MINDY1: variants seen among roughly 807,000 people sequenced by gnomAD.
The protein encoded by MINDY1 is MINDY lysine 48 deubiquitinase 1, also known as ubiquitin carboxyl-terminal hydrolase MINDY-1.
MINDY1 carries 50 observed loss-of-function variants against 53.6 expected under a neutral mutation model. The ratio of observed to expected loss-of-function variants is 0.93; its 90% confidence interval spans 0.74 to 1.18. The LOEUF (loss-of-function observed/expected upper bound fraction) is 1.18. Among genes scored for constraint, MINDY1 ranks in the 50% most tolerant of loss-of-function variants. The pLI, the probability that MINDY1 is intolerant of heterozygous loss-of-function variation, is 0.00. For missense variants in MINDY1, 484 were observed against 578.6 expected (o/e 0.84, Z 1.68); for synonymous variants, 231 against 234.7 (o/e 0.98, Z 0.14).
At chr1:151,007,198 G>C (rs1253555179), upstream of MINDY1, among the ~76,000 whole-genome samples, 1 of 152,186 alleles carries the variant, frequency 6.6e-6, no homozygotes, top group Non-Finnish European at 1.5e-5. Flanking sequence ...CTGGTAGAGT[G>C]CAGAGGGTGT....
intron 8 of MINDY1, 65 bp from the exon 9 acceptor site, chr1:150,997,844 C>G: frequency 1.3e-6 from 2 of 1,518,966 alleles, no homozygotes; most frequent in Non-Finnish European, 1.8e-6. Context: ...GGCAAGGTTT[C>G]CAAATCAGTT....
In MINDY1 at chr1:150,997,604, G is replaced by A. The variant is rs1370164760; in HGVS notation, c.1329+20C>T. On this transcript the variant is annotated intron_variant, in intron 9 of 9. Coordinates refer to ENST00000683666, the MANE Select transcript of MINDY1 (RefSeq NM_001376665.1). ...CATGAGGTGGAAACCGGGAGTGTGG[G>A]CGCCCAGGCAGCAGCCCACCTGCAG... The A allele has an allele frequency of 6.2e-7, 1 of 1,604,722 alleles. No homozygotes were observed.
rs1671889194 is a variant in MINDY1 at position 150,996,892 on chromosome 1, A to C, written c.*395T>G. The C allele has an allele frequency of 1.5e-5, 3 of 195,258 alleles. No homozygotes were observed. The highest frequency in any genetic ancestry group is 3.2e-5 in the Non-Finnish European group (3 of 94,384). 12.1% of individuals were successfully genotyped at this position (195,258 alleles called of 1,614,324 possible). A position where few individuals can be genotyped will look rare whatever the true frequency, so the allele number is the denominator to read the frequency against. ...GGAAGGCATTACAAATAAGAGATAG[A>C]AACCCAAATTAAGCTCTGAAACAAC... On this transcript the variant is annotated 3_prime_UTR_variant, in exon 10 of 10. Transcript: ENST00000683666.
downstream of MINDY1, chr1:150,996,588 G>T (rs1571702554): frequency 6.7e-6 from 1 of 150,252 alleles, no homozygotes. Context: ...TGTCGCCCAG[G>T]CTGGAGTGCA....
chr1:150,997,238 G>T lies in MINDY1; in HGVS notation c.*49C>A. Reference sequence around the variant, plus strand: ...TGGAGGCGGGGGAGCAAGCCAACTAGCCATAGCCTCTGGAAGAAGGGGCAG... The same window carrying T: ...TGGAGGCGGGGGAGCAAGCCAACTATCCATAGCCTCTGGAAGAAGGGGCAG... On this transcript the variant is annotated 3_prime_UTR_variant, in exon 10 of 10. Coordinates refer to ENST00000683666, the MANE Select transcript of MINDY1 (RefSeq NM_001376665.1). The T allele has an allele frequency of 6.5e-7, 1 of 1,545,382 alleles. No individual in the cohort carries two copies. The highest frequency in any genetic ancestry group is 8.8e-7 in the Non-Finnish European group (1 of 1,138,992).
intron 1 of MINDY1, chr1:151,005,962 T>C: frequency 8.9e-7 from 1 of 1,127,662 alleles, no homozygotes; most frequent in Non-Finnish European, 1.2e-6. Context: ...AAGACACTCC[T>C]TCTCTGTAGG....
rs897801950 is a variant in MINDY1, at chr1:151,000,727, C to A, written c.577-112G>T. 613 of 1,154,996 alleles carry A rather than the reference C, an allele frequency of 5.3e-4. 4 individuals carry two copies. The highest frequency in any genetic ancestry group is 3.6e-3 in the East Asian group (140 of 39,274). 71.5% of individuals were successfully genotyped at this position (1,154,996 alleles called of 1,614,324 possible). A position where few individuals can be genotyped will look rare whatever the true frequency, so the allele number is the denominator to read the frequency against. On this transcript the variant is annotated intron_variant, in intron 4 of 9. Coordinates refer to ENST00000683666, the MANE Select transcript of MINDY1 (RefSeq NM_001376665.1). ...CTGCTCTTCTTCCCTGATTCTCTTACAAGCCACTCCATTTCTCCCTTGCCT... is the reference window on the plus strand; with the variant it reads ...CTGCTCTTCTTCCCTGATTCTCTTAAAAGCCACTCCATTTCTCCCTTGCCT...
intron 4 of MINDY1, 105 bp from the exon 5 acceptor site, chr1:151,000,720 T>G (rs1317947319): frequency 1.6e-6 from 2 of 1,275,814 alleles, no homozygotes; most frequent in African/African-American, 3.0e-5. Context: ...CTTCCCTGAT[T>G]CTCTTACAAG....
In MINDY1 at chr1:150,999,357, A is replaced by G. The variant is rs1672260951; in HGVS notation, c.981+12T>C. The G allele has an allele frequency of 6.2e-7, 1 of 1,613,396 alleles. No homozygotes were observed. The highest frequency in any genetic ancestry group is 1.7e-5 in the Admixed American group (1 of 59,948). On this transcript the variant is annotated intron_variant, in intron 7 of 9. Coordinates refer to ENST00000683666, the MANE Select transcript of MINDY1 (RefSeq NM_001376665.1). The surrounding 1 kb of genome is among the most constrained non-coding windows in gnomAD (Gnocchi z 4.4). Reference sequence around the variant, plus strand: ...ACAGCACCGCAGCACGCCACCCCCAAACTCGCATTACCTTATGCTTAGTCA... The same window carrying G: ...ACAGCACCGCAGCACGCCACCCCCAGACTCGCATTACCTTATGCTTAGTCA...
Position 151,002,274 on chromosome 1 carries a change from C to T in MINDY1, c.344G>A (p.Cys115Tyr), listed in dbSNP as rs1385633976. 3 of 1,614,210 alleles carry T rather than the reference C, an allele frequency of 1.9e-6. No individual in the cohort carries two copies. The highest frequency in any genetic ancestry group is 1.7e-5 in the Admixed American group (1 of 60,022). The change falls in exon 2 of 10, where the codon TGT becomes TAT. Residue 115 changes from cysteine (C) to tyrosine (Y), a missense_variant. Coordinates refer to ENST00000683666, the MANE Select transcript of MINDY1 (RefSeq NM_001376665.1). The surrounding 1 kb of genome is among the most constrained non-coding windows in gnomAD (Gnocchi z 4.1). The part of the protein sequence containing the change: ...RTRQPEPDFY[C>Y]VKWIPWKGEQ... ...TCCTTTCCAAGGGATCCACTTGACA[C>T]AGTAGAAATCTGGCTCAGGCTGTCG...
rs1673273512 is a variant in MINDY1, at chr1:151,006,756, C to A, written c.-534G>T. The A allele has an allele frequency of 8.1e-6, 8 of 985,492 alleles. No individual in the cohort carries two copies. The highest frequency in any genetic ancestry group is 1.7e-5 in the African/African-American group (1 of 57,222). The allele number at this position is 985,492 out of a possible 1,614,324, so 61.0% of individuals were successfully genotyped here. On this transcript the variant is annotated 5_prime_UTR_variant, in exon 1 of 10. Transcript: ENST00000683666. The stretch of plus-strand genomic sequence containing the variant: ...CCTGGAGGAGGAGGGGCCTGCCCAG[C>A]GCTGGTGGATTTCCATCAGGACTTT...
chr1:151,002,245 G>A lies in MINDY1; in HGVS notation c.373C>T (p.Gln125Ter), dbSNP rs748329563. The A allele has an allele frequency of 6.2e-7, 1 of 1,614,100 alleles. No homozygotes were observed. Among genetic ancestry groups the A allele is most frequent in the Non-Finnish European group, 8.5e-7 (1 of 1,180,052 alleles). The change falls in exon 2 of 10, where the codon CAG becomes TAG. Residue 125 changes from glutamine to a stop codon, truncating the protein, a stop_gained. Transcript: ENST00000683666. LOFTEE classifies it high-confidence loss of function. The surrounding 1 kb of genome is among the most constrained non-coding windows in gnomAD (Gnocchi z 4.1). Reference sequence around the variant, plus strand: ...GTGCTCTGGGTGATGATGGGTGTCTGTTCTCCTTTCCAAGGGATCCACTTG... The same window carrying A: ...GTGCTCTGGGTGATGATGGGTGTCTATTCTCCTTTCCAAGGGATCCACTTG... The part of the protein sequence containing the change: ...CVKWIPWKGE[Q>*]TPIITQSTNG...
rs775840985 is a variant in MINDY1, at chr1:151,001,719, A to G, written c.511+6T>C. On this transcript the variant is annotated splice_donor_region_variant and intron_variant, in intron 3 of 9. Transcript: ENST00000683666. ...GGTAATTCCTCTTCAACGCCCAGTC[A>G]CTCACCAAGATGGGCCATGAGCTCA... 4.3e-5 allele frequency: 70 copies of G among 1,609,354 alleles called. No individual in the cohort carries two copies. The highest frequency in any genetic ancestry group is 5.5e-5 in the Non-Finnish European group (65 of 1,178,630).
intron 1 of MINDY1, among the ~76,000 whole-genome samples, chr1:151,004,705 T>C (rs956448989): frequency 2.0e-5 from 3 of 151,234 alleles, no homozygotes; most frequent in African/African-American, 7.3e-5. Context: ...CACTACAGCC[T>C]GGGTGACAGA....
In MINDY1 at chr1:151,002,032, C is replaced by A; in HGVS notation, c.453+133G>T. On this transcript the variant is annotated intron_variant, in intron 2 of 9. Transcript: ENST00000683666. The surrounding 1 kb of genome is among the most constrained non-coding windows in gnomAD (Gnocchi z 4.1). ...TTTTAGGAACATCTTATCTCATTTG[C>A]TCAAGCTGGAGAAATAGGGAGAACA... 1.0e-6 allele frequency: 1 copy of A among 969,742 alleles called. No individual in the cohort carries two copies. Among genetic ancestry groups the A allele is most frequent in the Non-Finnish European group, 1.5e-6 (1 of 660,898 alleles). 60.1% of individuals were successfully genotyped at this position (969,742 alleles called of 1,614,324 possible). A position where few individuals can be genotyped will look rare whatever the true frequency, so the allele number is the denominator to read the frequency against.
upstream of MINDY1, chr1:151,008,235 C>T: frequency 8.7e-7 from 1 of 1,148,152 alleles, no homozygotes; most frequent in South Asian, 2.0e-5. Flanking sequence ...TAATGGGTTA[C>T]TGTGACACAT....
At chr1:151,005,880 C>T (rs1673139916) in intron 1 of MINDY1, among the ~76,000 whole-genome samples, 1 of 152,196 alleles carries the variant, frequency 6.6e-6, no homozygotes, top group Non-Finnish European at 1.5e-5. Context: ...ATAATCCTGG[C>T]TCCTCCCTAA....
rs768518414 is a variant in MINDY1, at chr1:151,000,519, C to T, written c.673G>A (p.Glu225Lys). ...CCTAGCAGGTCAAAGACACTGCACT[C>T]GGGTGTATACTCAAAATCAGAGACG... ...TGVSDFEYTP[E>K]CSVFDLLGIP... Residue 225 changes from glutamate (E) to lysine (K), a missense_variant, in exon 5 of 10, where the codon GAG (glutamate) becomes AAG (lysine). Coordinates refer to ENST00000683666, the MANE Select transcript of MINDY1 (RefSeq NM_001376665.1). 22 of 1,613,948 alleles carry T rather than the reference C, an allele frequency of 1.4e-5. No homozygotes were observed. Among genetic ancestry groups the T allele is most frequent in the African/African-American group, 4.0e-5 (3 of 74,892 alleles).
chr1:150,999,380 T>G lies in MINDY1; in HGVS notation c.970A>C (p.Thr324Pro). 6.2e-7 allele frequency: 1 copy of G among 1,614,090 alleles called. No homozygotes were observed. Among genetic ancestry groups the G allele is most frequent in the Non-Finnish European group, 8.5e-7 (1 of 1,180,006 alleles). ...FFRNNHFSTMTKHKSHLYLLV... is the reference protein window; with the variant it reads ...FFRNNHFSTMPKHKSHLYLLV... Reference sequence around the variant, plus strand: ...CAAACTCGCATTACCTTATGCTTAGTCATGGTGCTAAAGTGGTTGTTTCGG... The same window carrying G: ...CAAACTCGCATTACCTTATGCTTAGGCATGGTGCTAAAGTGGTTGTTTCGG... Residue 324 changes from threonine (T) to proline (P), a missense_variant, in exon 7 of 10, where the codon ACT becomes CCT. Physicochemically the swap from Thr to Pro is conservative, Grantham distance 38. Transcript: ENST00000683666. This position sits in a 1 kb window ranked among gnomAD's most constrained non-coding sequence, Gnocchi z 4.4.
Sources: gnomAD v4.1 joint callset for allele counts (sites outside exome capture counted in the v4.1 genomes callset) on GRCh38, gnomAD v4.1.1 for gene constraint, Gnocchi (gnomAD v3.1) non-coding constraint, MANE v1.5 for transcripts, NCBI Gene and HGNC (gene_info 2026-07-23, HGNC 2026-07-21) for gene names.